The following EYA4 variants were observed in gnomAD, a reference collection of about 807,000 sequenced individuals.
The protein encoded by EYA4 is protein phosphatase EYA4.
In EYA4, 31 loss-of-function variants were observed where a neutral mutation model predicts 87.9. The ratio of observed to expected loss-of-function variants is 0.35; its 90% CI spans 0.27 to 0.48. The LOEUF is 0.48. Ranked by LOEUF, EYA4 falls within the 20% of genes least tolerant of loss-of-function variation. EYA4 has a pLI of 0.99. For missense variants in EYA4, 678 were observed against 761.4 expected (o/e 0.89, Z 1.29); for synonymous variants, 263 against 270.6 (o/e 0.97, Z 0.28).
intron 3 of EYA4, among the ~76,000 whole-genome samples, chr6:133,431,145 G>C (rs1026064792): frequency 1.3e-5 from 2 of 152,124 alleles, no homozygotes; most frequent in Non-Finnish European, 2.9e-5. Context: ...GGCTCTGTGA[G>C]TGAGGGGAAT....
chr6:133,289,152 A>G (rs1272884812), intron 2 of EYA4, among the ~76,000 whole-genome samples: 1 of 152,170 alleles, frequency 6.6e-6, no homozygotes, highest in Non-Finnish European at 1.5e-5. Flanking sequence ...TGCAGAAGGG[A>G]TGATGAGGTT....
At chr6:133,515,216 T>C in intron 16 of EYA4, 105 bp from the exon 17 acceptor site, 2 of 749,480 alleles carry the variant, frequency 2.7e-6, no homozygotes, top group Admixed American at 1.8e-5. Context: ...ATTTCTGATA[T>C]ATACTGAAAT....
intron 13 of EYA4, among the ~76,000 whole-genome samples, chr6:133,492,330 A>C (rs1358868522): frequency 6.6e-6 from 1 of 152,252 alleles, no homozygotes; most frequent in Non-Finnish European, 1.5e-5. Context: ...AACGTGATAC[A>C]TCATACCAAC....
At chr6:133,388,083 A>G (rs1786909695) in intron 3 of EYA4, among the ~76,000 whole-genome samples, 1 of 152,092 alleles carries the variant, frequency 6.6e-6, no homozygotes, top group Admixed American at 6.5e-5. Flanking sequence ...TGTTTGCCAA[A>G]TCACTTATTT....
chr6:133,296,420 A>G (rs749865557), intron 2 of EYA4, among the ~76,000 whole-genome samples: 8 of 152,184 alleles, frequency 5.3e-5, no homozygotes, highest in Non-Finnish European at 1.2e-4. Flanking sequence ...GGAAGGATCC[A>G]GGAGACCAGT....
In EYA4 at chr6:133,369,315, TTATC is replaced by T. The variant is rs1471039376; in HGVS notation, c.34-13073_34-13070del. Among the ~76,000 whole-genome samples the T allele has an allele frequency of 2.0e-4, 30 of 152,252 alleles. No individual in the cohort carries two copies. In the East Asian group the frequency reaches 4.8e-3, roughly 24 times the overall value. ...CTCACATTATCCTTATCTCTTGAAT[TTATC>T]TATTCTTGTTTCATTTTCATTTCAT... is the stretch of plus-strand genomic sequence containing the variant. On this transcript the variant is annotated intron_variant, in intron 2 of 19. Coordinates refer to ENST00000355286, the MANE Select transcript of EYA4 (RefSeq NM_004100.5).
intron 1 of EYA4, chr6:133,245,001 GA>G (rs1430467633): frequency 6.6e-6 from 1 of 152,130 alleles, no homozygotes; most frequent in Non-Finnish European, 1.5e-5. Flanking sequence ...ATTTCAAGAA[GA>G]GGGGTGATAA....
At chr6:133,526,013 G>A in intron 19 of EYA4, 1 of 573,190 alleles carries the variant, frequency 1.7e-6, no homozygotes, top group Non-Finnish European at 2.2e-6. Context: ...TGGGCCCTAA[G>A]TATTTTAATA....
At chr6:133,260,301 G>A (rs1234318130) in intron 1 of EYA4, among the ~76,000 whole-genome samples, 1 of 151,960 alleles carries the variant, frequency 6.6e-6, no homozygotes, top group African/African-American at 2.4e-5. Flanking sequence ...GCAGTGGCAC[G>A]ATCTTGGCTT....
At chr6:133,259,606 C>A (rs1476057208) in intron 1 of EYA4, among the ~76,000 whole-genome samples, 1 of 152,200 alleles carries the variant, frequency 6.6e-6, no homozygotes, top group Non-Finnish European at 1.5e-5. Context: ...AATAAAATTT[C>A]CTCAAGTGTC....
chr6:133,465,372 C>T (rs1180789434), intron 10 of EYA4, among the ~76,000 whole-genome samples: 1 of 152,078 alleles, frequency 6.6e-6, no homozygotes, highest in African/African-American at 2.4e-5. Context: ...TTTATGAATA[C>T]TTTTAATAAA....
At chr6:133,369,944 C>A (rs578249025) in intron 2 of EYA4, among the ~76,000 whole-genome samples, 1 of 136,656 alleles carries the variant, frequency 7.3e-6, no homozygotes, top group South Asian at 2.3e-4. Flanking sequence ...ATGAGGGTGA[C>A]CTCTGACATC....
chr6:133,458,330 G>A (rs1043249591), intron 6 of EYA4, among the ~76,000 whole-genome samples: 5 of 151,958 alleles, frequency 3.3e-5, no homozygotes, highest in East Asian at 1.9e-4. Flanking sequence ...CATCAAGTAC[G>A]ACTAGAGGCG....
chr6:133,434,737 A>G (rs982134192), intron 3 of EYA4, among the ~76,000 whole-genome samples: 2 of 152,172 alleles, frequency 1.3e-5, no homozygotes, highest in African/African-American at 4.8e-5. Context: ...CATTATATCA[A>G]TGCTTTGCTC....
intron 3 of EYA4, among the ~76,000 whole-genome samples, chr6:133,409,327 T>G (rs1789003650): frequency 6.6e-6 from 1 of 152,142 alleles, no homozygotes; most frequent in South Asian, 2.1e-4. Flanking sequence ...GCAAAATATA[T>G]ACACACAAAA....
chr6:133,394,990 T>A (rs1562370102), intron 3 of EYA4, among the ~76,000 whole-genome samples: 2 of 152,240 alleles, frequency 1.3e-5, no homozygotes, highest in Non-Finnish European at 2.9e-5. Context: ...TTTAACATCA[T>A]AACATTTTAG....
At chr6:133,399,031 C>T (rs1040348602) in intron 3 of EYA4, among the ~76,000 whole-genome samples, 2 of 152,078 alleles carry the variant, frequency 1.3e-5, no homozygotes, top group African/African-American at 4.8e-5. Flanking sequence ...TATGCCTTCC[C>T]ATGTCTGCGG....
chr6:133,305,119 A>G (rs1170080562), intron 2 of EYA4, among the ~76,000 whole-genome samples: 1 of 152,124 alleles, frequency 6.6e-6, no homozygotes, highest in Non-Finnish European at 1.5e-5. Context: ...GGAAGAGCAA[A>G]TGCAAAGACC....
chr6:133,278,425 C>G (rs9389063), intron 2 of EYA4, among the ~76,000 whole-genome samples: 41,604 of 152,002 alleles, frequency 0.27, 6,362 homozygotes, highest in East Asian at 0.48. Flanking sequence ...CTCACCACTA[C>G]ATTATAAACT....
Sources: gnomAD v4.1 joint callset for allele counts (sites outside exome capture counted in the v4.1 genomes callset) on GRCh38, gnomAD v4.1.1 for gene constraint, MANE v1.5 for transcripts, NCBI Gene and HGNC (gene_info 2026-07-23, HGNC 2026-07-21) for gene names.